Variants in GRIK1 observed in about 807,000 individuals in gnomAD.
The protein encoded by GRIK1 is glutamate receptor ionotropic, kainate 1.
Under a neutral mutation model 105.7 loss-of-function variants are expected in GRIK1, and 69 were observed. The ratio of observed to expected loss-of-function variants is 0.65; its 90% confidence interval spans 0.54 to 0.80. The LOEUF is 0.80. Ranked by LOEUF, GRIK1 falls within the 30% of genes least tolerant of loss-of-function variation. The pLI is 0.00. For missense variants in GRIK1, 1,109 were observed against 1,167.3 expected, an observed-to-expected ratio of 0.95 and a Z score of 0.73; for synonymous variants, 438 against 431.3, an observed-to-expected ratio of 1.02 and a Z score of -0.19.
chr21:29,542,829 G>A (rs1047265096), intron 16 of GRIK1, among the ~76,000 whole-genome samples: 2 of 152,280 alleles, frequency 1.3e-5, no homozygotes, highest in Middle Eastern at 3.4e-3. Flanking sequence ...TTTTGTATAG[G>A]TTTCTCCCTT....
At chr21:29,780,416 A>G (rs1415073443) in intron 1 of GRIK1, among the ~76,000 whole-genome samples, 1 of 152,214 alleles carries the variant, frequency 6.6e-6, no homozygotes, top group African/African-American at 2.4e-5. Context: ...AGTGCATGAG[A>G]CAGTTTAGGA....
chr21:29,726,316 A>G (rs2064459916), intron 1 of GRIK1, among the ~76,000 whole-genome samples: 1 of 152,194 alleles, frequency 6.6e-6, no homozygotes, highest in Non-Finnish European at 1.5e-5. Flanking sequence ...TTTTTCTCAT[A>G]GATGAAATAC....
intron 1 of GRIK1, among the ~76,000 whole-genome samples, chr21:29,906,120 T>G (rs1215985082): frequency 6.6e-6 from 1 of 152,178 alleles, no homozygotes; most frequent in Non-Finnish European, 1.5e-5. Flanking sequence ...TTCAATCTTT[T>G]TCTCATTAAT....
intron 13 of GRIK1, among the ~76,000 whole-genome samples, chr21:29,580,027 G>GTA (rs1194721350): frequency 3.7e-5 from 5 of 136,548 alleles, no homozygotes; most frequent in African/African-American, 1.2e-4. Context: ...GTGTATATAT[G>GTA]TATATATGTG....
chr21:29,812,926 T>C (rs753969745), intron 1 of GRIK1, among the ~76,000 whole-genome samples: 16 of 152,258 alleles, frequency 1.1e-4, no homozygotes, highest in Admixed American at 5.2e-4. Flanking sequence ...ACATAATGAA[T>C]AGGGTTTTTT....
intron 3 of GRIK1, among the ~76,000 whole-genome samples, chr21:29,679,936 A>G (rs1727392144): frequency 6.6e-6 from 1 of 152,214 alleles, no homozygotes; most frequent in Admixed American, 6.5e-5. Context: ...GTTTTTCTTG[A>G]CATTTGATTT....
At chr21:29,683,410 A>G (rs969299374) in intron 3 of GRIK1, among the ~76,000 whole-genome samples, 2 of 152,250 alleles carry the variant, frequency 1.3e-5, no homozygotes, top group East Asian at 1.9e-4. Flanking sequence ...TAAAGAAAAT[A>G]TGGTACATAC....
chr21:29,612,161 G>A lies in GRIK1; in HGVS notation c.1099-13224C>T, dbSNP rs112254720. Among the ~76,000 whole-genome samples, 38 of 152,296 alleles carry A rather than the reference G, an allele frequency of 2.5e-4. 1 individual carries two copies. The highest frequency in any genetic ancestry group is 7.0e-4 in the African/African-American group (29 of 41,562). ...AGGCCAACTGGAATTGACACATAGC[G>A]TTCTATTTGCCATCAGGGTTTAGAG... On this transcript the variant is annotated intron_variant, in intron 7 of 17. Coordinates refer to ENST00000327783, the MANE Select transcript of GRIK1 (RefSeq NM_001330994.2).
At chr21:29,916,350 A>G (rs2070997607) in intron 1 of GRIK1, among the ~76,000 whole-genome samples, 1 of 151,988 alleles carries the variant, frequency 6.6e-6, no homozygotes, top group East Asian at 1.9e-4. Flanking sequence ...TTTTGCTATT[A>G]CAACTCAAAG....
At chr21:29,541,126 C>T (rs187201869) in intron 16 of GRIK1, among the ~76,000 whole-genome samples, 5 of 152,262 alleles carry the variant, frequency 3.3e-5, no homozygotes, top group Admixed American at 6.5e-5. Context: ...CGCCACCACA[C>T]GCGGCTAATT....
chr21:29,789,901 T>C (rs1233753226), intron 1 of GRIK1, among the ~76,000 whole-genome samples: 1 of 152,130 alleles, frequency 6.6e-6, no homozygotes, highest in Admixed American at 6.5e-5. Context: ...GCCTATAAAG[T>C]TTTAGTAAGA....
intron 1 of GRIK1, among the ~76,000 whole-genome samples, chr21:29,876,600 T>G (rs780168364): frequency 6.6e-6 from 1 of 152,226 alleles, no homozygotes; most frequent in Non-Finnish European, 1.5e-5. Context: ...CCCAGGGAAA[T>G]GTAATCTGTT....
chr21:29,888,430 A>G (rs1427865384), intron 1 of GRIK1, among the ~76,000 whole-genome samples: 2 of 150,784 alleles, frequency 1.3e-5, no homozygotes, highest in East Asian at 3.9e-4. Context: ...ATGCCCAGCT[A>G]ATTTTTGTAC....
intron 7 of GRIK1, among the ~76,000 whole-genome samples, chr21:29,614,402 C>CTTTTT (rs35063316): frequency 3.6e-5 from 3 of 83,068 alleles, no homozygotes; most frequent in Non-Finnish European, 6.7e-5. Flanking sequence ...TAAAATCCCT[C>CTTTTT]TTTTTTTTTT....
At chr21:29,930,317 T>C (rs1467019588) in intron 1 of GRIK1, among the ~76,000 whole-genome samples, 1 of 152,178 alleles carries the variant, frequency 6.6e-6, no homozygotes, top group African/African-American at 2.4e-5. Context: ...GAATGCAACA[T>C]CTGTTTACGG....
chr21:29,920,043 G>A (rs182575659), intron 1 of GRIK1, among the ~76,000 whole-genome samples: 29 of 152,238 alleles, frequency 1.9e-4, no homozygotes, highest in African/African-American at 6.3e-4. Context: ...CAGAATAGAA[G>A]AAGAATCAAT....
At chr21:29,914,608 A>T (rs2070931136) in intron 1 of GRIK1, among the ~76,000 whole-genome samples, 1 of 152,106 alleles carries the variant, frequency 6.6e-6, no homozygotes. Flanking sequence ...CCTTTTGGGA[A>T]CAAGATAGCA....
intron 1 of GRIK1, among the ~76,000 whole-genome samples, chr21:29,773,215 C>T (rs465116): frequency 0.7 from 106,744 of 152,074 alleles, 38,700 homozygotes; most frequent in Middle Eastern, 0.81. Context: ...CAGTGTAAGT[C>T]CTTCTTCTGA....
intron 1 of GRIK1, among the ~76,000 whole-genome samples, chr21:29,802,485 T>C (rs1176497909): frequency 6.6e-6 from 1 of 152,134 alleles, no homozygotes; most frequent in Non-Finnish European, 1.5e-5. Context: ...ATATTGCTCT[T>C]GTTACTTTCC....
Sources: allele counts gnomAD v4.1 joint callset (sites outside exome capture counted in the v4.1 genomes callset), GRCh38; gene constraint gnomAD v4.1.1; transcripts MANE v1.5; gene names NCBI Gene and HGNC (gene_info 2026-07-23, HGNC 2026-07-21).